The following ZC3H12B variants were observed in gnomAD, a reference collection of about 807,000 sequenced individuals.
ZC3H12B encodes probable ribonuclease ZC3H12B.
ZC3H12B carries 7 observed loss-of-function variants against 43.9 expected under a neutral mutation model. The ratio of observed to expected loss-of-function variants is 0.16; its 90% confidence interval spans 0.09 to 0.30. The LOEUF is 0.30. Among genes scored for constraint, ZC3H12B ranks in the 10% least tolerant of loss-of-function variants. The pLI, the probability that ZC3H12B is intolerant of heterozygous loss-of-function variation, is 1.00. For synonymous variants in ZC3H12B, 222 were observed against 241.7 expected (o/e 0.92, Z 0.76); for missense variants, 475 against 670.2 (o/e 0.71, Z 3.22).
intron 2 of ZC3H12B, among the ~76,000 whole-genome samples, chrX:65,373,895 A>G (rs375558484): frequency 0.16 from 3,406 of 21,321 alleles, 611 homozygotes; most frequent in Non-Finnish European, 0.17. Flanking sequence ...AAGTATAGTA[A>G]TATATATATA....
intron 3 of ZC3H12B, among the ~76,000 whole-genome samples, chrX:65,447,916 C>T (rs1446305870): frequency 2.7e-5 from 3 of 111,422 alleles, no homozygotes; most frequent in African/African-American, 6.5e-5. Context: ...ACCACCTTAT[C>T]CCAGCCAGAA....
intron 2 of ZC3H12B, among the ~76,000 whole-genome samples, chrX:65,373,971 G>GTATATATATATAGTTATATATATATATAC (rs1556058082): frequency 2.4e-5 from 1 of 41,343 alleles, no homozygotes; most frequent in African/African-American, 2.4e-4. Context: ...TGTATATATA[G>GTATATATATATAGTTATATATATATATAC]TATATATATA....
the ZC3H12B span, among the ~76,000 whole-genome samples, chrX:65,321,945 GT>G: frequency 9.0e-6 from 1 of 110,993 alleles, no homozygotes; most frequent in Non-Finnish European, 1.9e-5. Flanking sequence ...CAGGTACCAT[GT>G]TTAATACCTG....
the ZC3H12B span, among the ~76,000 whole-genome samples, chrX:65,109,191 CT>C: frequency 9.0e-6 from 1 of 111,486 alleles, no homozygotes; most frequent in Non-Finnish European, 1.9e-5. Flanking sequence ...TTGGGGACAC[CT>C]TTACTGAGAT....
the ZC3H12B span, among the ~76,000 whole-genome samples, chrX:65,213,192 C>A: frequency 7.3e-5 from 8 of 109,406 alleles, no homozygotes; most frequent in African/African-American, 2.6e-4. Context: ...TTTTATTCAG[C>A]ACTTAAAAAA....
the ZC3H12B span, among the ~76,000 whole-genome samples, chrX:65,073,851 T>A: frequency 9.0e-6 from 1 of 111,656 alleles, no homozygotes; most frequent in Non-Finnish European, 1.9e-5. Context: ...TGGTGCACTG[T>A]AGCCCTGTGC....
chrX:65,314,550 G>A, the ZC3H12B span, among the ~76,000 whole-genome samples: 3 of 111,996 alleles, frequency 2.7e-5, no homozygotes, highest in Non-Finnish European at 1.9e-5. Flanking sequence ...TATATCCAGA[G>A]AAAATATTCT....
chrX:65,248,449 T>G, the ZC3H12B span, among the ~76,000 whole-genome samples: 3 of 112,005 alleles, frequency 2.7e-5, no homozygotes, highest in Admixed American at 9.5e-5. Flanking sequence ...TATTACTCAA[T>G]GGATACAATA....
At chrX:65,104,247 A>G in the ZC3H12B span, among the ~76,000 whole-genome samples, 1 of 112,171 alleles carries the variant, frequency 8.9e-6, no homozygotes, top group Admixed American at 9.5e-5. Context: ...CCCCTTCCTT[A>G]CACCTTATGC....
At chrX:65,127,481 T>TC in the ZC3H12B span, among the ~76,000 whole-genome samples, 509 of 111,275 alleles carry the variant, frequency 4.6e-3, 2 homozygotes, top group Middle Eastern at 9.3e-3. Flanking sequence ...TTGGTTGACC[T>TC]CCAGCCAGGA....
exon 5 of ZC3H12B, chrX:65,502,571 C>T: frequency 2.5e-6 from 3 of 1,210,941 alleles, no homozygotes; most frequent in Non-Finnish European, 3.4e-6. Context: ...CCAGAACCGA[C>T]TTCAGCCTTT....
chrX:65,270,050 C>G, the ZC3H12B span, among the ~76,000 whole-genome samples: 1 of 110,278 alleles, frequency 9.1e-6, no homozygotes, highest in African/African-American at 3.3e-5. Context: ...TTGCATGGTA[C>G]CATAAAAATC....
chrX:65,066,580 C>T, the ZC3H12B span, among the ~76,000 whole-genome samples: 1 of 111,758 alleles, frequency 8.9e-6, no homozygotes, highest in Admixed American at 9.4e-5. Flanking sequence ...TCTGTCGACC[C>T]CTGCTGGGAG....
At chrX:65,490,606 T>C (rs1465712835) in intron 1 of ZC3H12B, among the ~76,000 whole-genome samples, 1 of 111,283 alleles carries the variant, frequency 9.0e-6, no homozygotes, top group Admixed American at 9.6e-5. Context: ...ATAATACCTA[T>C]AGTGCCTTCA....
the ZC3H12B span, among the ~76,000 whole-genome samples, chrX:65,120,111 G>T: frequency 8.9e-6 from 1 of 111,893 alleles, no homozygotes; most frequent in African/African-American, 3.2e-5. Context: ...TTTGACTTAG[G>T]ATTAACTTGG....
At chrX:65,133,162 C>T in the ZC3H12B span, among the ~76,000 whole-genome samples, 1 of 111,123 alleles carries the variant, frequency 9.0e-6, no homozygotes, top group Non-Finnish European at 1.9e-5. Flanking sequence ...TTTGGAAGTT[C>T]TTGTGTGCTG....
At chrX:65,122,714 A>G in the ZC3H12B span, among the ~76,000 whole-genome samples, 15 of 111,382 alleles carry the variant, frequency 1.3e-4, no homozygotes, top group African/African-American at 4.9e-4. Flanking sequence ...TGGACAACAA[A>G]AAAAGGCAGG....
At chrX:65,328,698 CT>C in the ZC3H12B span, among the ~76,000 whole-genome samples, 3 of 62,342 alleles carry the variant, frequency 4.8e-5, no homozygotes, top group Non-Finnish European at 8.7e-5. Flanking sequence ...TCCCTCCCCC[CT>C]CCCCCCACCC....
intron 2 of ZC3H12B, among the ~76,000 whole-genome samples, chrX:65,375,146 C>T (rs1223609411): frequency 1.8e-5 from 2 of 111,575 alleles, no homozygotes; most frequent in African/African-American, 6.5e-5. Flanking sequence ...GGTTGTGAAA[C>T]CTTGCGTTGA....
Sources: allele counts gnomAD v4.1 joint callset (sites outside exome capture counted in the v4.1 genomes callset), GRCh38; gene constraint gnomAD v4.1.1; transcripts MANE v1.5; gene names NCBI Gene and HGNC (gene_info 2026-07-23, HGNC 2026-07-21).